The following PIGS variants were observed in gnomAD, a reference collection of about 807,000 sequenced individuals.
The protein encoded by PIGS is GPI-anchor transamidase component PIGS.
Under a neutral mutation model 58.2 loss-of-function variants are expected in PIGS, and 37 were observed. The ratio of observed to expected loss-of-function variants is 0.64; its 90% CI spans 0.49 to 0.84. The LOEUF (loss-of-function observed/expected upper bound fraction) is 0.84. Among genes scored for constraint, PIGS ranks in the 40% least tolerant of loss-of-function variants. PIGS has a pLI of 0.00. For synonymous variants in PIGS, 269 were observed against 289.2 expected (o/e 0.93, Z 0.71); for missense variants, 629 against 710.8 (o/e 0.88, Z 1.31).
chr17:28,569,260 G>A (rs537458221), intron 3 of PIGS, among the ~76,000 whole-genome samples: 2 of 151,822 alleles, frequency 1.3e-5, no homozygotes, highest in East Asian at 1.9e-4. Flanking sequence ...GAGCCCAGGA[G>A]CTCGAGACCA....
chr17:28,557,309 G>T (rs891393433), intron 8 of PIGS: 1 of 264,522 alleles, frequency 3.8e-6, no homozygotes. Flanking sequence ...CTGACCTTAT[G>T]TCAGTTCCCT....
At position 28,554,054 on chromosome 17, in the gene PIGS, A is replaced by C. The variant is rs2070308329; in HGVS notation, c.*166T>G. On this transcript the variant is annotated 3_prime_UTR_variant, in exon 12 of 12. Transcript: ENST00000308360. ...GCCAGGTGAATGGGAAAGGAAGAAA[A>C]GATGAACCCATCTTGGAGTGTTGTA... The C allele has an allele frequency of 1.2e-6, 1 of 865,198 alleles. No individual in the cohort carries two copies. The highest frequency in any genetic ancestry group is 1.8e-5 in the South Asian group (1 of 56,148). The allele number at this position is 865,198 out of a possible 1,614,324, so 53.6% of individuals were successfully genotyped here. A position where few individuals can be genotyped will look rare whatever the true frequency, so the allele number is the denominator to read the frequency against.
chr17:28,557,175 C>T (rs752123617), intron 8 of PIGS: 1 of 582,772 alleles, frequency 1.7e-6, no homozygotes, highest in Non-Finnish European at 2.9e-6. Flanking sequence ...AAACATAGTC[C>T]TTAGCTCCAA....
Position 28,571,064 on chromosome 17 carries a change from G to T in PIGS, c.159C>A (p.Gly53=). 1 of 1,614,132 alleles carries T rather than the reference G, an allele frequency of 6.2e-7. No homozygotes were observed. The highest frequency in any genetic ancestry group is 8.5e-7 in the Non-Finnish European group (1 of 1,180,018). ...GCAGTCTCACCTGAAGGGCATTCAGGCCACTGATCTGGGAGTAAGGCAACG... is the reference window on the plus strand; with the variant it reads ...GCAGTCTCACCTGAAGGGCATTCAGTCCACTGATCTGGGAGTAAGGCAACG... ...RASLPYSQIS[G]LNALQLRLMV... The change falls in exon 2 of 12, where the codon GGC becomes GGA. Residue 53 remains glycine (G), a synonymous_variant. Transcript: ENST00000308360.
intron 3 of PIGS, 145 bp downstream of exon 3, chr17:28,570,707 T>C (rs182661745): frequency 1.8e-5 from 14 of 757,512 alleles, no homozygotes; most frequent in Admixed American, 1.1e-4. Flanking sequence ...AAGTAGTTTT[T>C]TTCTGACCAA....
In PIGS at chr17:28,554,922, T is replaced by A. The variant is rs780874169; in HGVS notation, c.1321A>T (p.Thr441Ser). Residue 441 changes from threonine to serine, a missense_variant, in exon 11 of 12, where the codon ACC becomes TCC. By Grantham distance (58) the Thr-to-Ser change is moderately conservative. Coordinates refer to ENST00000308360, the MANE Select transcript of PIGS (RefSeq NM_033198.4). ...AGAAGCTGCGCCAGGGAGGTAAGGG[T>A]GGTGGTGGCTGTGGCCAGGTTCTCC... ...SVENLATATT[T>S]LTSLAQLLGK... is the part of the protein sequence containing the mutation. 2 of 1,613,868 alleles carry A rather than the reference T, an allele frequency of 1.2e-6. No individual in the cohort carries two copies. The highest frequency in any genetic ancestry group is 3.3e-5 in the Admixed American group (2 of 59,986).
Position 28,553,981 on chromosome 17 carries a change from A to C in PIGS, c.*239T>G, listed in dbSNP as rs538680972. ...CAGCCTTATCAAACAAGATAAGGAG[A>C]CCCGGATGATGTGCCTTTTGAGGCC... On this transcript the variant is annotated 3_prime_UTR_variant, in exon 12 of 12. Coordinates refer to ENST00000308360, the MANE Select transcript of PIGS (RefSeq NM_033198.4). 5 of 553,742 alleles carry C rather than the reference A, an allele frequency of 9.0e-6. No individual in the cohort carries two copies. In the East Asian group the frequency reaches 1.6e-4, roughly 17 times the overall value. The allele number at this position is 553,742 out of a possible 1,614,324, so 34.3% of individuals were successfully genotyped here. A position where few individuals can be genotyped will look rare whatever the true frequency, so the allele number is the denominator to read the frequency against.
intron 3 of PIGS, among the ~76,000 whole-genome samples, chr17:28,566,271 C>CTTTTTTT (rs57310687): frequency 1.0e-4 from 10 of 97,780 alleles, no homozygotes; most frequent in Middle Eastern, 9.8e-3. Flanking sequence ...TTTTTCTTTT[C>CTTTTTTT]TTTTTTTTTT....
rs779963504 is a variant in PIGS, at chr17:28,571,088, C to T, written c.135G>A (p.Ser45=). 6.2e-7 allele frequency: 1 copy of T among 1,614,132 alleles called. No homozygotes were observed. The highest frequency in any genetic ancestry group is 8.5e-7 in the Non-Finnish European group (1 of 1,180,046). The stretch of plus-strand genomic sequence containing the variant: ...GGCCACTGATCTGGGAGTAAGGCAA[C>T]GAGGCCCGGTAGGTCTCCGTGGTCT... ...WWKTTETYRA[S]LPYSQISGLN... The change falls in exon 2 of 12, where the codon TCG becomes TCA. Residue 45 remains serine (S), a synonymous_variant. Coordinates refer to ENST00000308360, the MANE Select transcript of PIGS (RefSeq NM_033198.4).
intron 3 of PIGS, among the ~76,000 whole-genome samples, chr17:28,565,750 C>T (rs1460088503): frequency 6.6e-6 from 1 of 152,126 alleles, no homozygotes; most frequent in Non-Finnish European, 1.5e-5. Flanking sequence ...CTAGCTGGGG[C>T]CAGGTGCACT....
chr17:28,555,251 G>T, intron 10 of PIGS, 190 bp from the exon 11 acceptor site: 1 of 546,624 alleles, frequency 1.8e-6, no homozygotes, highest in Non-Finnish European at 3.2e-6. Flanking sequence ...CCCAAACGCT[G>T]CTTCAACAGG....
intron 3 of PIGS, 31 bp downstream of exon 3, chr17:28,570,821 C>G (rs754452885): frequency 1.2e-6 from 2 of 1,610,254 alleles, no homozygotes; most frequent in Non-Finnish European, 1.7e-6. Flanking sequence ...AGCTCAGAGG[C>G]GAAAAGCAGC....
At chr17:28,556,335 G>A in intron 9 of PIGS, 69 bp from the exon 10 acceptor site, 1 of 1,167,522 alleles carries the variant, frequency 8.6e-7, no homozygotes, top group Non-Finnish European at 1.3e-6. Flanking sequence ...TAGGCACTCT[G>A]GAGAGAAAAG....
rs1196647967 is a variant in PIGS, at chr17:28,563,850, T to C, written c.344A>G (p.Glu115Gly). 6.2e-7 allele frequency: 1 copy of C among 1,614,050 alleles called. No individual in the cohort carries two copies. The highest frequency in any genetic ancestry group is 8.5e-7 in the Non-Finnish European group (1 of 1,179,982). The change falls in exon 4 of 12, where the codon GAG becomes GGG. Residue 115 changes from glutamate (E) to glycine (G), a missense_variant. Transcript: ENST00000308360. ...QKAYRRALDHEEEALSSGSVQ... is the reference protein window; with the variant it reads ...QKAYRRALDHGEEALSSGSVQ... ...ACTGCCCGATGACAGGGCCTCCTCCTCATGGTCCAAAGCCCTCCGATAGGC... is the reference window on the plus strand; with the variant it reads ...ACTGCCCGATGACAGGGCCTCCTCCCCATGGTCCAAAGCCCTCCGATAGGC...
chr17:28,571,150 C>T lies in PIGS; in HGVS notation c.73G>A (p.Ala25Thr), dbSNP rs1297608217. The change falls in exon 2 of 12, where the codon GCG becomes ACG. Residue 25 changes from alanine (A) to threonine (T), a missense_variant. Transcript: ENST00000308360. The stretch of plus-strand genomic sequence containing the variant: ...GGTAGCCCCAGCACGATGGCCACCG[C>T]AGCGAAGAAGAGGGCGGCGCGCTTG... ...RGKRAALFFA[A>T]VAIVLGLPLW... 6.2e-7 allele frequency: 1 copy of T among 1,613,638 alleles called. No individual in the cohort carries two copies. The highest frequency in any genetic ancestry group is 1.3e-5 in the African/African-American group (1 of 74,944).
intron 3 of PIGS, among the ~76,000 whole-genome samples, chr17:28,564,818 G>C (rs12601287): frequency 0.099 from 14,980 of 151,990 alleles, 764 homozygotes; most frequent in South Asian, 0.14. Flanking sequence ...GGCAGAGGTT[G>C]CAGTGACCTG....
Position 28,558,499 on chromosome 17 carries a change from A to G in PIGS, c.911T>C (p.Ile304Thr). The G allele has an allele frequency of 6.2e-7, 1 of 1,612,824 alleles. No individual in the cohort carries two copies. The highest frequency in any genetic ancestry group is 8.5e-7 in the Non-Finnish European group (1 of 1,179,588). ...ACCCAGCCGGGACTCCACTGGGTTG[A>G]TGACATGGGGGAGGCTGTGCATGTC... ...YLDMHSLPHV[I>T]NPVESRLGSS... The change falls in exon 8 of 12, where the codon ATC (isoleucine) becomes ACC (threonine). Residue 304 changes from isoleucine (I) to threonine (T), a missense_variant. Coordinates refer to ENST00000308360, the MANE Select transcript of PIGS (RefSeq NM_033198.4).
intron 1 of PIGS, 35 bp downstream of exon 1, chr17:28,571,428 C>T: frequency 1.2e-6 from 2 of 1,607,154 alleles, no homozygotes; most frequent in Non-Finnish European, 1.7e-6. Context: ...TTGCCATCAG[C>T]TAGCTGCAGG....
intron 3 of PIGS, 56 bp downstream of exon 3, chr17:28,570,796 C>T: frequency 2.5e-6 from 4 of 1,570,328 alleles, no homozygotes; most frequent in Non-Finnish European, 3.5e-6. Flanking sequence ...TCCCACCCAA[C>T]TCAGCTCTGA....
Sources: allele counts gnomAD v4.1 joint callset (sites outside exome capture counted in the v4.1 genomes callset), GRCh38; gene constraint gnomAD v4.1.1; transcripts MANE v1.5; gene names NCBI Gene and HGNC (gene_info 2026-07-23, HGNC 2026-07-21).